Variants in CNTNAP5 observed in about 807,000 individuals in gnomAD.
The protein encoded by CNTNAP5 is contactin associated protein family member 5.
Under a neutral mutation model 150.2 loss-of-function variants are expected in CNTNAP5, and 72 were observed. The ratio of observed to expected loss-of-function variants is 0.48; its 90% CI spans 0.40 to 0.58. CNTNAP5 has a LOEUF of 0.58. Ranked by LOEUF, CNTNAP5 falls within the 20% of genes least tolerant of loss-of-function variation. The pLI is 0.00. For missense variants in CNTNAP5, 1,636 were observed against 1,626.2 expected (o/e 1.01, Z -0.10); for synonymous variants, 672 against 619.8 (o/e 1.08, Z -1.25).
chr2:124,894,159 A>T (rs1678256987), intron 21 of CNTNAP5, among the ~76,000 whole-genome samples: 1 of 151,964 alleles, frequency 6.6e-6, no homozygotes, highest in East Asian at 1.9e-4. Flanking sequence ...TTTTAGAAAG[A>T]CTTTTAACAA....
At chr2:124,863,182 C>T (rs558731225) in intron 19 of CNTNAP5, among the ~76,000 whole-genome samples, 23 of 152,202 alleles carry the variant, frequency 1.5e-4, no homozygotes, top group South Asian at 1.0e-3. Context: ...ATGTGGGGGT[C>T]GATCACTATG....
chr2:124,754,044 C>A (rs1286017428), intron 14 of CNTNAP5, among the ~76,000 whole-genome samples: 1 of 152,138 alleles, frequency 6.6e-6, no homozygotes, highest in East Asian at 1.9e-4. Context: ...CTGGATGCCT[C>A]CTAGTGGTGT....
At chr2:124,882,012 C>T (rs1000056505) in intron 21 of CNTNAP5, among the ~76,000 whole-genome samples, 8 of 152,032 alleles carry the variant, frequency 5.3e-5, no homozygotes, top group South Asian at 2.1e-4. Flanking sequence ...CTCAAGACTG[C>T]GGGATTCCCA....
At chr2:124,791,566 ATTC>A (rs1170870588) in intron 18 of CNTNAP5, among the ~76,000 whole-genome samples, 2 of 152,106 alleles carry the variant, frequency 1.3e-5, no homozygotes, top group Non-Finnish European at 2.9e-5. Context: ...ATGCACAAGC[ATTC>A]TTCTCAGCAT....
chr2:124,320,875 T>TAAG (rs1393453573), intron 3 of CNTNAP5, among the ~76,000 whole-genome samples: 3 of 152,028 alleles, frequency 2.0e-5, no homozygotes, highest in African/African-American at 7.2e-5. Context: ...GATGCCAAAT[T>TAAG]AAGTATTCTC....
intron 12 of CNTNAP5, among the ~76,000 whole-genome samples, chr2:124,640,437 G>A (rs1678066716): frequency 6.6e-6 from 1 of 152,174 alleles, no homozygotes; most frequent in Non-Finnish European, 1.5e-5. Flanking sequence ...CTAATGCAGA[G>A]CGCATGGTAG....
intron 1 of CNTNAP5, among the ~76,000 whole-genome samples, chr2:124,122,783 CACACACACA>C (rs1558764178): frequency 1.3e-5 from 2 of 151,278 alleles, no homozygotes; most frequent in African/African-American, 2.4e-5. Context: ...CACACACACA[CACACACACA>C]CCCACACCTT....
intron 6 of CNTNAP5, among the ~76,000 whole-genome samples, chr2:124,469,756 A>T (rs977306090): frequency 6.6e-6 from 1 of 151,996 alleles, no homozygotes; most frequent in African/African-American, 2.4e-5. Context: ...CCCCACTGTG[A>T]GTGGTTCACC....
intron 4 of CNTNAP5, among the ~76,000 whole-genome samples, chr2:124,418,905 C>T (rs902615298): frequency 3.3e-5 from 5 of 151,366 alleles, no homozygotes; most frequent in Admixed American, 2.0e-4. Context: ...GAGGCCGAGG[C>T]GGGTGGATCA....
At chr2:124,383,987 C>A (rs1040705042) in intron 3 of CNTNAP5, among the ~76,000 whole-genome samples, 5 of 152,152 alleles carry the variant, frequency 3.3e-5, no homozygotes, top group African/African-American at 1.2e-4. Context: ...TTTCATTCAT[C>A]TTTAAATGTA....
At chr2:124,130,437 A>T (rs1174959674) in intron 1 of CNTNAP5, among the ~76,000 whole-genome samples, 1 of 151,858 alleles carries the variant, frequency 6.6e-6, no homozygotes, top group Non-Finnish European at 1.5e-5. Context: ...TCCAAGCTAA[A>T]TCTTGCAGGT....
At chr2:124,590,145 G>C (rs1405703856) in intron 11 of CNTNAP5, among the ~76,000 whole-genome samples, 2 of 151,980 alleles carry the variant, frequency 1.3e-5, no homozygotes, top group Non-Finnish European at 2.9e-5. Flanking sequence ...CAGTCCCCTG[G>C]ACCTTGGACT....
At chr2:124,453,628 A>G (rs1038369426) in intron 6 of CNTNAP5, among the ~76,000 whole-genome samples, 1 of 152,180 alleles carries the variant, frequency 6.6e-6, no homozygotes, top group Non-Finnish European at 1.5e-5. Context: ...AAGAGCCATG[A>G]GGCAAAAACA....
At chr2:124,724,315 A>G (rs1680110285) in intron 13 of CNTNAP5, among the ~76,000 whole-genome samples, 1 of 152,060 alleles carries the variant, frequency 6.6e-6, no homozygotes, top group African/African-American at 2.4e-5. Context: ...ATACAGATTA[A>G]GAGATGTGTA....
At chr2:124,377,471 C>T (rs147084596) in intron 3 of CNTNAP5, among the ~76,000 whole-genome samples, 1 of 151,832 alleles carries the variant, frequency 6.6e-6, no homozygotes, top group Non-Finnish European at 1.5e-5. Flanking sequence ...GTCAGGAGTT[C>T]GAGACCAGAC....
chr2:124,860,722 A>G (rs1181370239), intron 19 of CNTNAP5, among the ~76,000 whole-genome samples: 4 of 152,126 alleles, frequency 2.6e-5, no homozygotes, highest in African/African-American at 7.2e-5. Context: ...TAGACAACAC[A>G]ACACAGTACA....
intron 3 of CNTNAP5, among the ~76,000 whole-genome samples, chr2:124,271,105 G>T (rs919680661): frequency 1.3e-5 from 2 of 152,032 alleles, no homozygotes; most frequent in African/African-American, 4.8e-5. Flanking sequence ...TATAATCAAT[G>T]AATGTTTCGA....
At chr2:124,221,855 C>A (rs758042092) in intron 2 of CNTNAP5, 46 bp downstream of exon 2, 1 of 1,258,210 alleles carries the variant, frequency 7.9e-7, no homozygotes, top group East Asian at 2.4e-5. Flanking sequence ...TAAATAATTA[C>A]GTGGTGGGTA....
At chr2:124,323,196 C>A (rs1391350253) in intron 3 of CNTNAP5, among the ~76,000 whole-genome samples, 1 of 152,108 alleles carries the variant, frequency 6.6e-6, no homozygotes, top group Non-Finnish European at 1.5e-5. Context: ...GGAACACTTT[C>A]CCAGAGGAGG....
Sources: gnomAD v4.1 joint callset for allele counts (sites outside exome capture counted in the v4.1 genomes callset) on GRCh38, gnomAD v4.1.1 for gene constraint, MANE v1.5 for transcripts, NCBI Gene and HGNC (gene_info 2026-07-23, HGNC 2026-07-21) for gene names.